Variants in GALNT17 observed in about 807,000 individuals in gnomAD.
The protein encoded by GALNT17 is UDP-GalNAc:polypeptide N-acetylgalactosaminyltransferase-like 3.
A neutral mutation model predicts 63.7 loss-of-function variants in GALNT17; 29 were observed. That is an observed-to-expected ratio of 0.46 (90% confidence interval 0.34 to 0.62). GALNT17 has a LOEUF of 0.62. Among genes scored for constraint, GALNT17 ranks in the 20% least tolerant of loss-of-function variants. GALNT17 has a pLI of 0.01. For synonymous variants in GALNT17, 305 were observed against 318.3 expected (o/e 0.96, Z 0.45); for missense variants, 603 against 799.6 (o/e 0.75, Z 2.97).
At chr7:71,638,736 T>C (rs1437909857) in intron 6 of GALNT17, among the ~76,000 whole-genome samples, 3 of 152,148 alleles carry the variant, frequency 2.0e-5, no homozygotes, top group African/African-American at 7.2e-5. Context: ...AAAGAGTAGG[T>C]GAGGCCTCTA....
chr7:71,256,272 G>A (rs1790288104), intron 1 of GALNT17, among the ~76,000 whole-genome samples: 1 of 152,168 alleles, frequency 6.6e-6, no homozygotes, highest in Admixed American at 6.5e-5. Flanking sequence ...TCCCTACAAT[G>A]TATAAAACCA....
intron 1 of GALNT17, chr7:71,300,359 C>A (rs1359822443): frequency 4.6e-6 from 2 of 431,994 alleles, no homozygotes; most frequent in Non-Finnish European, 9.2e-6. Context: ...AAGACGACAC[C>A]ACCTCTTGGT....
chr7:71,151,598 C>T (rs929924321), intron 1 of GALNT17, among the ~76,000 whole-genome samples: 6 of 143,848 alleles, frequency 4.2e-5, no homozygotes, highest in South Asian at 2.2e-4. Flanking sequence ...CCAGCCTGGG[C>T]GACACAGCAA....
chr7:71,547,947 G>A (rs1157151366), intron 5 of GALNT17, among the ~76,000 whole-genome samples: 2 of 152,130 alleles, frequency 1.3e-5, no homozygotes, highest in Non-Finnish European at 1.5e-5. Flanking sequence ...TCATAGAGGA[G>A]TTGGGTGCGG....
At chr7:71,581,473 C>T (rs6960680) in intron 6 of GALNT17, among the ~76,000 whole-genome samples, 3,102 of 152,186 alleles carry the variant, frequency 0.02, 113 homozygotes, top group African/African-American at 0.071. Context: ...TTTAAAGCAT[C>T]AGATCTCGTG....
chr7:71,216,741 C>T (rs1014442975), intron 1 of GALNT17, among the ~76,000 whole-genome samples: 8 of 151,950 alleles, frequency 5.3e-5, no homozygotes, highest in Non-Finnish European at 8.8e-5. Flanking sequence ...TACACAGACA[C>T]ACAAATGCAC....
intron 1 of GALNT17, among the ~76,000 whole-genome samples, chr7:71,138,906 C>T (rs1390173796): frequency 6.6e-6 from 1 of 152,066 alleles, no homozygotes; most frequent in Non-Finnish European, 1.5e-5. Flanking sequence ...ACCTGGGAGG[C>T]GGAGGTTGCA....
intron 1 of GALNT17, among the ~76,000 whole-genome samples, chr7:71,169,468 C>T (rs1347232137): frequency 6.6e-6 from 1 of 152,172 alleles, no homozygotes; most frequent in Non-Finnish European, 1.5e-5. Flanking sequence ...GCGGGAAAAG[C>T]CAGTGTGGTC....
chr7:71,554,589 T>C (rs1032769680), intron 5 of GALNT17, among the ~76,000 whole-genome samples: 3 of 152,120 alleles, frequency 2.0e-5, no homozygotes, highest in African/African-American at 7.2e-5. Context: ...TTATTTTAGG[T>C]CCTCTCTCTG....
At chr7:71,683,168 TG>T (rs1791296313) in intron 9 of GALNT17, among the ~76,000 whole-genome samples, 1 of 152,158 alleles carries the variant, frequency 6.6e-6, no homozygotes, top group Non-Finnish European at 1.5e-5. Flanking sequence ...GCTTGTTAAG[TG>T]GGCCCCGGCT....
intron 2 of GALNT17, among the ~76,000 whole-genome samples, chr7:71,381,838 C>T (rs1792852660): frequency 6.6e-6 from 1 of 152,138 alleles, no homozygotes; most frequent in African/African-American, 2.4e-5. Context: ...GAGGTGTCTC[C>T]TTTGCAGCTG....
intron 1 of GALNT17, among the ~76,000 whole-genome samples, chr7:71,262,813 TG>T (rs750675266): frequency 6.6e-6 from 1 of 151,506 alleles, no homozygotes; most frequent in South Asian, 2.1e-4. Flanking sequence ...CCCAAGTAGC[TG>T]GGACCACAGG....
chr7:71,555,147 ACCATTCATGAGGGGTCTGC>A (rs1305081307), intron 5 of GALNT17, among the ~76,000 whole-genome samples: 1 of 152,030 alleles, frequency 6.6e-6, no homozygotes, highest in Non-Finnish European at 1.5e-5. Context: ...AAGGCACCAA[ACCATTCATGAGGGGTCTGC>A]CCTCATGACC....
chr7:71,549,170 G>A (rs1471913367), intron 5 of GALNT17, among the ~76,000 whole-genome samples: 1 of 152,134 alleles, frequency 6.6e-6, no homozygotes, highest in Non-Finnish European at 1.5e-5. Context: ...AGTCTTTCTG[G>A]ATATATGTTC....
intron 5 of GALNT17, among the ~76,000 whole-genome samples, chr7:71,466,335 A>T (rs747845967): frequency 6.6e-6 from 1 of 151,822 alleles, no homozygotes; most frequent in Non-Finnish European, 1.5e-5. Flanking sequence ...GATACAAATG[A>T]CCAGCATTGG....
Position 71,420,960 on chromosome 7 carries a change from C to T in GALNT17, c.817C>T (p.Pro273Ser). 1 of 1,614,142 alleles carries T rather than the reference C, an allele frequency of 6.2e-7. No homozygotes were observed. Among genetic ancestry groups the T allele is most frequent in the Non-Finnish European group, 8.5e-7 (1 of 1,180,030 alleles). ...IQENRKRVIL[P>S]SIDNIKQDNF... is the part of the protein sequence containing the mutation. ...GGAAAACCGGAAGCGTGTGATCCTC[C>T]CCTCCATTGACAACATCAAACAGGA... The change falls in exon 5 of 11, where the codon CCC (proline) becomes TCC (serine). Residue 273 changes from proline (P) to serine (S), a missense_variant. Pro to Ser is a moderately conservative substitution (Grantham distance 74). Around this residue, in one of 3 missense-constraint regions of GALNT17, gnomAD observed 336 missense variants for 507.8 expected, o/e 0.66. Transcript: ENST00000333538.
intron 1 of GALNT17, among the ~76,000 whole-genome samples, chr7:71,146,737 C>T (rs777573425): frequency 6.6e-6 from 1 of 152,198 alleles, no homozygotes; most frequent in Non-Finnish European, 1.5e-5. Context: ...GGATGACAAT[C>T]GGCTGAGCCA....
intron 1 of GALNT17, among the ~76,000 whole-genome samples, chr7:71,166,896 T>C (rs1290485888): frequency 1.3e-5 from 2 of 152,088 alleles, no homozygotes; most frequent in Non-Finnish European, 2.9e-5. Context: ...TGTATTTAAC[T>C]GTTTTTTTTA....
chr7:71,373,272 G>A (rs1306909901), intron 2 of GALNT17, among the ~76,000 whole-genome samples: 1 of 152,166 alleles, frequency 6.6e-6, no homozygotes, highest in Non-Finnish European at 1.5e-5. Context: ...AGTAATTCAA[G>A]GAGAGAAACA....
Sources: gnomAD v4.1 joint callset for allele counts (sites outside exome capture counted in the v4.1 genomes callset) on GRCh38, gnomAD v4.1.1 for gene constraint, gnomAD v4.1.1 regional missense constraint, MANE v1.5 for transcripts, NCBI Gene and HGNC (gene_info 2026-07-23, HGNC 2026-07-21) for gene names.